Variants in PEX5L observed in about 807,000 individuals in gnomAD.
PEX5L encodes PEX5-related protein.
A neutral mutation model predicts 84.0 loss-of-function variants in PEX5L; 30 were observed. The ratio of observed to expected loss-of-function variants is 0.36; its 90% CI spans 0.27 to 0.48. The LOEUF is 0.48. Among genes scored for constraint, PEX5L ranks in the 20% least tolerant of loss-of-function variants. The pLI is 0.99. For synonymous variants in PEX5L, 270 were observed against 283.1 expected, an observed-to-expected ratio of 0.95 and a Z score of 0.46; for missense variants, 533 against 754.6, an observed-to-expected ratio of 0.71 and a Z score of 3.44.
intron 8 of PEX5L, among the ~76,000 whole-genome samples, chr3:179,820,965 T>C (rs983600795): frequency 6.6e-6 from 1 of 152,156 alleles, no homozygotes; most frequent in Non-Finnish European, 1.5e-5. Context: ...GAGCTTGATA[T>C]CAGAGAGGAG....
chr3:179,803,222 C>T (rs1463293427), intron 14 of PEX5L, among the ~76,000 whole-genome samples: 1 of 152,080 alleles, frequency 6.6e-6, no homozygotes, highest in Non-Finnish European at 1.5e-5. Context: ...AAATGTGAAA[C>T]AATGTCACTT....
At chr3:179,994,471 T>C (rs1274707604) in intron 1 of PEX5L, among the ~76,000 whole-genome samples, 1 of 152,158 alleles carries the variant, frequency 6.6e-6, no homozygotes, top group African/African-American at 2.4e-5. Context: ...CCTCCTGGGC[T>C]ATCTTTTGTC....
chr3:179,849,993 A>T (rs1191132765), intron 8 of PEX5L, among the ~76,000 whole-genome samples: 3 of 152,232 alleles, frequency 2.0e-5, no homozygotes, highest in Non-Finnish European at 4.4e-5. Context: ...TATATAGTAG[A>T]TATCAAAAAG....
chr3:179,926,177 GCTGCTAC>G (rs1771395901), intron 2 of PEX5L, among the ~76,000 whole-genome samples: 1 of 152,072 alleles, frequency 6.6e-6, no homozygotes, highest in Admixed American at 6.6e-5. Context: ...CACCACCACT[GCTGCTAC>G]CCTGCCCTCA....
intron 1 of PEX5L, among the ~76,000 whole-genome samples, chr3:179,988,217 T>C (rs6765550): frequency 0.091 from 13,848 of 151,894 alleles, 1,088 homozygotes; most frequent in African/African-American, 0.22. Context: ...CTGGCCAACA[T>C]GATAAAACCC....
chr3:179,806,766 TTCTC>T lies in PEX5L; in HGVS notation c.1676+904_1676+907del, dbSNP rs558729688. Among the ~76,000 whole-genome samples the T allele has an allele frequency of 1.0e-3, 158 of 152,340 alleles. 1 individual carries two copies. Among genetic ancestry groups the T allele is most frequent in the African/African-American group, 3.3e-3 (138 of 41,578 alleles). On this transcript the variant is annotated intron_variant, in intron 14 of 14. Coordinates refer to ENST00000467460, the MANE Select transcript of PEX5L (RefSeq NM_016559.3). The stretch of plus-strand genomic sequence containing the variant: ...ATCCTGAAAAATAATCATTACCTCT[TTCTC>T]TCTCTTTTTTTAACAAGTGAAGAAA...
In PEX5L at chr3:179,829,761, A is replaced by G. The variant is rs190979018; in HGVS notation, c.823-9785T>C. ...TTTTCCTTGGTGATAAATAATTTAA[A>G]CTTGCTATATCTTTTTTTTTTTTTT... On this transcript the variant is annotated intron_variant, in intron 8 of 14. Transcript: ENST00000467460. Among the ~76,000 whole-genome samples the G allele has an allele frequency of 4.8e-3, 710 of 146,832 alleles. 4 individuals are homozygous for G. In the Middle Eastern group the frequency reaches 0.052, roughly 11 times the overall value.
At chr3:179,803,138 T>A (rs1470030107) in intron 14 of PEX5L, among the ~76,000 whole-genome samples, 3 of 152,228 alleles carry the variant, frequency 2.0e-5, no homozygotes, top group African/African-American at 4.8e-5. Flanking sequence ...GTGCATGATA[T>A]CGCAACAGAC....
Position 179,875,446 on chromosome 3 carries a change from A to T in PEX5L, c.537T>A (p.Asp179Glu). 2 of 1,612,692 alleles carry T rather than the reference A, an allele frequency of 1.2e-6. No individual in the cohort carries two copies. The highest frequency in any genetic ancestry group is 1.7e-6 in the Non-Finnish European group (2 of 1,179,426). The change falls in exon 6 of 15, where the codon GAT (aspartate) becomes GAA (glutamate). Residue 179 changes from aspartate (D) to glutamate (E), a missense_variant. By Grantham distance (45) the Asp-to-Glu change is conservative. Around this residue, in one of 8 missense-constraint regions of PEX5L, gnomAD observed 259 missense variants for 301.7 expected, o/e 0.86. Transcript: ENST00000467460. ...TATTTCGATCTCCATGAAACTTAAC[A>T]TCGTCCCATTTTTCCAGTTGTGTTT... ...DIQTQLEKWD[D>E]VKFHGDRNTK... is the part of the protein sequence containing the mutation.
chr3:179,953,492 G>C (rs959402261), intron 2 of PEX5L, among the ~76,000 whole-genome samples: 1 of 152,142 alleles, frequency 6.6e-6, no homozygotes, highest in Non-Finnish European at 1.5e-5. Context: ...TTCTGCTGCT[G>C]ATACCATTCA....
intron 1 of PEX5L, among the ~76,000 whole-genome samples, chr3:180,014,583 C>T (rs907411722): frequency 3.9e-5 from 6 of 152,026 alleles, no homozygotes; most frequent in Non-Finnish European, 7.4e-5. Flanking sequence ...TAAAGCATGT[C>T]TAAAGTTTAA....
intron 8 of PEX5L, among the ~76,000 whole-genome samples, chr3:179,846,838 AG>A (rs1296931859): frequency 6.6e-6 from 1 of 152,094 alleles, no homozygotes; most frequent in Admixed American, 6.6e-5. Context: ...CTAACACCAA[AG>A]GTTCTTCTGG....
At chr3:179,820,758 G>A (rs529574160) in intron 8 of PEX5L, among the ~76,000 whole-genome samples, 19 of 152,352 alleles carry the variant, frequency 1.2e-4, no homozygotes, top group African/African-American at 4.1e-4. Flanking sequence ...TGCTGCAAGA[G>A]CTGTCCCTGG....
intron 1 of PEX5L, among the ~76,000 whole-genome samples, chr3:179,997,843 C>G (rs571532265): frequency 6.6e-6 from 1 of 152,344 alleles, no homozygotes; most frequent in Non-Finnish European, 1.5e-5. Context: ...TAAGGCCCAC[C>G]AGAAGCAATT....
At chr3:179,855,263 A>G (rs1743477932) in intron 8 of PEX5L, among the ~76,000 whole-genome samples, 2 of 152,230 alleles carry the variant, frequency 1.3e-5, no homozygotes, top group African/African-American at 4.8e-5. Context: ...AGATGATATA[A>G]AAACATAAGG....
At chr3:179,932,773 C>A (rs1031420228) in intron 2 of PEX5L, among the ~76,000 whole-genome samples, 1 of 151,960 alleles carries the variant, frequency 6.6e-6, no homozygotes, top group Non-Finnish European at 1.5e-5. Flanking sequence ...TTATAATGTA[C>A]GATATGATGT....
intron 7 of PEX5L, among the ~76,000 whole-genome samples, chr3:179,868,831 C>A (rs1359672820): frequency 6.6e-6 from 1 of 152,076 alleles, no homozygotes; most frequent in African/African-American, 2.4e-5. Flanking sequence ...TGCTCTGAGC[C>A]CATATTCTCT....
At chr3:179,956,434 T>C (rs993678279) in intron 2 of PEX5L, among the ~76,000 whole-genome samples, 23 of 152,336 alleles carry the variant, frequency 1.5e-4, no homozygotes, top group African/African-American at 5.0e-4. Context: ...CTGAATTCTA[T>C]ATCCCCTTTA....
rs1031983562 is a variant in PEX5L, at chr3:179,840,996, C to T, written c.822+18066G>A. ...TTAAGAGCCATCAGGATATTTAAATCTATGAGACTGAAAGAGATAGCTAAG... is the reference window on the plus strand; with the variant it reads ...TTAAGAGCCATCAGGATATTTAAATTTATGAGACTGAAAGAGATAGCTAAG... On this transcript the variant is annotated intron_variant, in intron 8 of 14. Coordinates refer to ENST00000467460, the MANE Select transcript of PEX5L (RefSeq NM_016559.3). Among the ~76,000 whole-genome samples the T allele has an allele frequency of 7.2e-5, 11 of 152,022 alleles. No individual in the cohort carries two copies. In the East Asian group the frequency reaches 1.7e-3, roughly 24 times the overall value.
Sources: gnomAD v4.1 joint callset for allele counts (sites outside exome capture counted in the v4.1 genomes callset) on GRCh38, gnomAD v4.1.1 for gene constraint, gnomAD v4.1.1 regional missense constraint, MANE v1.5 for transcripts, NCBI Gene and HGNC (gene_info 2026-07-23, HGNC 2026-07-21) for gene names.